ZNF536: variants seen among roughly 807,000 people sequenced by gnomAD.
The protein encoded by ZNF536 is zinc finger protein 536.
In ZNF536, 13 loss-of-function variants were observed where a neutral mutation model predicts 84.5. The ratio of observed to expected loss-of-function variants is 0.15; its 90% CI spans 0.10 to 0.24. The LOEUF (loss-of-function observed/expected upper bound fraction) is 0.24. ZNF536 is among the 10% of genes least tolerant of loss of function. ZNF536 has a pLI of 1.00. For missense variants in ZNF536, 1,536 were observed against 1,747.5 expected (o/e 0.88, Z 2.16); for synonymous variants, 811 against 742.5 (o/e 1.09, Z -1.50).
At chr19:30,422,785 T>G (rs1014632724) in intron 1 of ZNF536, among the ~76,000 whole-genome samples, 1 of 152,060 alleles carries the variant, frequency 6.6e-6, no homozygotes, top group African/African-American at 2.4e-5. Context: ...CATCGATCCA[T>G]GTATCCATCC....
intron 2 of ZNF536, among the ~76,000 whole-genome samples, chr19:30,324,581 G>T (rs555383861): frequency 6.6e-6 from 1 of 152,046 alleles, no homozygotes; most frequent in South Asian, 2.1e-4. Context: ...TTGTAGAGAC[G>T]GGGTCTCACT....
At chr19:30,227,618 T>C (rs2144573544), upstream of ZNF536, among the ~76,000 whole-genome samples, 1 of 150,246 alleles carries the variant, frequency 6.7e-6, no homozygotes, top group African/African-American at 2.4e-5. Context: ...TCCTGGGGGC[T>C]GGGTCGTGTG....
intron 2 of ZNF536, among the ~76,000 whole-genome samples, chr19:30,523,447 G>A (rs557252597): frequency 1.3e-5 from 2 of 152,240 alleles, no homozygotes; most frequent in Admixed American, 6.5e-5. Context: ...AGGATTACAC[G>A]CCTAAGACCT....
chr19:30,582,374 T>C (rs1159397123), intron 1 of ZNF536, among the ~76,000 whole-genome samples: 1 of 129,256 alleles, frequency 7.7e-6, no homozygotes, highest in Admixed American at 8.0e-5. Context: ...TCCTAGTTTC[T>C]CTTTTTTTTT....
chr19:30,657,200 G>T (rs141781005), intron 1 of ZNF536, among the ~76,000 whole-genome samples: 1 of 152,308 alleles, frequency 6.6e-6, no homozygotes, highest in East Asian at 1.9e-4. Context: ...CTAACAGACT[G>T]GGGGAGAGCT....
chr19:30,685,511 C>T (rs182346535), intron 1 of ZNF536, among the ~76,000 whole-genome samples: 2 of 152,104 alleles, frequency 1.3e-5, no homozygotes, highest in African/African-American at 2.4e-5. Context: ...CCCATGGAAC[C>T]CAGGGAGGTA....
At chr19:30,498,614 A>AT (rs5827718) in intron 2 of ZNF536, among the ~76,000 whole-genome samples, 55,015 of 152,022 alleles carry the variant, frequency 0.36, 11,799 homozygotes, top group African/African-American at 0.61. Flanking sequence ...AATAAAAAAA[A>AT]GTTTCAAATA....
At chr19:30,532,675 T>C (rs1277745556) in intron 2 of ZNF536, among the ~76,000 whole-genome samples, 1 of 125,618 alleles carries the variant, frequency 8.0e-6, no homozygotes, top group Non-Finnish European at 1.6e-5. Flanking sequence ...AAATGCAGCA[T>C]GCTCAGGGTT....
At chr19:30,250,847 GTT>G (rs10712065) in intron 1 of ZNF536, among the ~76,000 whole-genome samples, 2,419 of 143,074 alleles carry the variant, frequency 0.017, 67 homozygotes, top group African/African-American at 0.056. Context: ...TGCCTGTTGG[GTT>G]TTTTTTTTTT....
At chr19:30,507,425 A>G (rs983305376) in intron 2 of ZNF536, among the ~76,000 whole-genome samples, 2 of 152,194 alleles carry the variant, frequency 1.3e-5, no homozygotes, top group Admixed American at 1.3e-4. Flanking sequence ...AAGTTGAGAA[A>G]AATAAGATTA....
At chr19:30,255,246 C>T (rs1599906291) in intron 1 of ZNF536, among the ~76,000 whole-genome samples, 1 of 151,814 alleles carries the variant, frequency 6.6e-6, no homozygotes, top group Non-Finnish European at 1.5e-5. Flanking sequence ...CTTACTAATT[C>T]GGTGGGAACA....
At chr19:30,424,135 C>T (rs1052108094) in intron 1 of ZNF536, among the ~76,000 whole-genome samples, 5 of 152,184 alleles carry the variant, frequency 3.3e-5, no homozygotes, top group Admixed American at 3.3e-4. Flanking sequence ...GGATGTAGCT[C>T]ATTTTCTTTC....
At chr19:30,396,908 CA>C (rs1236587318) in intron 1 of ZNF536, among the ~76,000 whole-genome samples, 2 of 152,240 alleles carry the variant, frequency 1.3e-5, no homozygotes, top group African/African-American at 4.8e-5. Flanking sequence ...CCCAGCCAAG[CA>C]GGCTCTCTTT....
intron 1 of ZNF536, among the ~76,000 whole-genome samples, chr19:30,238,539 C>T (rs529265891): frequency 6.6e-6 from 1 of 152,204 alleles, no homozygotes; most frequent in Admixed American, 6.5e-5. Context: ...ATAAACTGTG[C>T]TTTCCATCTT....
At chr19:30,450,677 G>A (rs1306795661) in intron 2 of ZNF536, among the ~76,000 whole-genome samples, 4 of 152,156 alleles carry the variant, frequency 2.6e-5, no homozygotes, top group Admixed American at 1.3e-4. Flanking sequence ...AATGATATTA[G>A]GAACTTGAAA....
intron 1 of ZNF536, among the ~76,000 whole-genome samples, chr19:30,626,347 T>A (rs533814140): frequency 6.6e-6 from 1 of 151,818 alleles, no homozygotes; most frequent in Non-Finnish European, 1.5e-5. Context: ...AAAATAAGAT[T>A]TTCTGGGGGT....
chr19:30,334,397 T>G (rs2047312486), intron 2 of ZNF536, among the ~76,000 whole-genome samples: 1 of 152,212 alleles, frequency 6.6e-6, no homozygotes, highest in Non-Finnish European at 1.5e-5. Context: ...ATCGAATTCC[T>G]GTGTGGCAGG....
At chr19:30,364,719 T>C (rs1020226751) in intron 3 of ZNF536, among the ~76,000 whole-genome samples, 1 of 152,168 alleles carries the variant, frequency 6.6e-6, no homozygotes, top group Non-Finnish European at 1.5e-5. Context: ...GGGCATGAAC[T>C]GTATACAAGC....
At chr19:30,412,455 G>A (rs2050533536) in intron 1 of ZNF536, among the ~76,000 whole-genome samples, 3 of 151,998 alleles carry the variant, frequency 2.0e-5, no homozygotes, top group Admixed American at 2.0e-4. Flanking sequence ...TTAATATAGT[G>A]AATTAGTAGA....
Sources: allele counts gnomAD v4.1 joint callset (sites outside exome capture counted in the v4.1 genomes callset), GRCh38; gene constraint gnomAD v4.1.1; transcripts MANE v1.5; gene names NCBI Gene and HGNC (gene_info 2026-07-23, HGNC 2026-07-21).